The following SMARCB1 variants were observed in gnomAD, a reference collection of about 807,000 sequenced individuals.
SMARCB1 encodes the protein SWI/SNF related BAF chromatin remodeling complex subunit B1, also known as SWI/SNF-related matrix-associated actin-dependent regulator of chromatin subfamily B member 1.
Under a neutral mutation model 49.0 loss-of-function variants are expected in SMARCB1, and 5 were observed. That is an observed-to-expected ratio of 0.10 (90% CI 0.05 to 0.21). The LOEUF is 0.21. Among genes scored for constraint, SMARCB1 ranks in the 10% least tolerant of loss-of-function variants. The pLI is 1.00. For synonymous variants in SMARCB1, 201 were observed against 200.1 expected, an observed-to-expected ratio of 1.00 and a Z score of -0.04; for missense variants, 226 against 509.2, an observed-to-expected ratio of 0.44 and a Z score of 5.35.
At chr22:23,812,006 T>A (rs1394720126) in intron 5 of SMARCB1, among the ~76,000 whole-genome samples, 2 of 152,170 alleles carry the variant, frequency 1.3e-5, no homozygotes, top group Admixed American at 1.3e-4. Flanking sequence ...CCTGCAGATA[T>A]CAAAAGGAAT....
intron 6 of SMARCB1, chr22:23,823,384 G>A (rs1190586387): frequency 6.6e-6 from 1 of 152,270 alleles, no homozygotes; most frequent in African/African-American, 2.4e-5. Flanking sequence ...GATTCCAGTT[G>A]GGAAGGGCCA....
intron 5 of SMARCB1, chr22:23,816,110 CA>C (rs1435410065): frequency 6.5e-6 from 1 of 153,386 alleles, no homozygotes; most frequent in Admixed American, 6.4e-5. Flanking sequence ...CTTATTCCTG[CA>C]AGGCGTCTTG....
chr22:23,789,819 C>G (rs572076773), intron 1 of SMARCB1, among the ~76,000 whole-genome samples: 11 of 152,178 alleles, frequency 7.2e-5, no homozygotes, highest in Non-Finnish European at 1.6e-4. Context: ...AGTGGATGGA[C>G]GGTCTCAGCC....
intron 1 of SMARCB1, among the ~76,000 whole-genome samples, chr22:23,788,249 C>A (rs1471767935): frequency 3.3e-5 from 5 of 152,026 alleles, no homozygotes; most frequent in African/African-American, 7.2e-5. Context: ...GTATATGTTA[C>A]CTTTTTAAAA....
In SMARCB1 at chr22:23,835,139, T is replaced by G; in HGVS notation, c.*959T>G. On this transcript the variant is annotated 3_prime_UTR_variant, in exon 9 of 9. Transcript: ENST00000644036. ...GCCCTCCCGGCCTGGTGCCAGCTCTTGGAGTTGACACGGTACAGGGAGGAG... is the reference window on the plus strand; with the variant it reads ...GCCCTCCCGGCCTGGTGCCAGCTCTGGGAGTTGACACGGTACAGGGAGGAG... The G allele has an allele frequency of 1.5e-6, 2 of 1,368,066 alleles. No homozygotes were observed. Among genetic ancestry groups the G allele is most frequent in the Non-Finnish European group, 1.9e-6 (2 of 1,063,664 alleles). 84.7% of individuals were successfully genotyped at this position (1,368,066 alleles called of 1,614,324 possible).
intron 6 of SMARCB1, among the ~76,000 whole-genome samples, chr22:23,822,130 G>C (rs2030122890): frequency 6.6e-6 from 1 of 152,212 alleles, no homozygotes; most frequent in Non-Finnish European, 1.5e-5. Flanking sequence ...CCTTAGGTTA[G>C]AGCAGCATCT....
intron 4 of SMARCB1, chr22:23,801,335 G>A (rs746170765): frequency 1.7e-5 from 12 of 703,270 alleles, no homozygotes; most frequent in Non-Finnish European, 2.8e-5. Flanking sequence ...AGTTACTCAG[G>A]GCGCGGTCCT....
At chr22:23,825,565 C>T in intron 7 of SMARCB1, 150 bp downstream of exon 7, 1 of 651,196 alleles carries the variant, frequency 1.5e-6, no homozygotes, top group Non-Finnish European at 2.6e-6. Flanking sequence ...CCGTCCTCCT[C>T]CTGCCCTATG....
At chr22:23,795,516 A>G (rs1473361587) in intron 3 of SMARCB1, among the ~76,000 whole-genome samples, 3 of 151,858 alleles carry the variant, frequency 2.0e-5, no homozygotes, top group South Asian at 2.1e-4. Context: ...TTAGCCTCGC[A>G]TGGTGGTGCA....
intron 5 of SMARCB1, among the ~76,000 whole-genome samples, chr22:23,812,826 A>G (rs1929962316): frequency 6.6e-6 from 1 of 152,006 alleles, no homozygotes; most frequent in South Asian, 2.1e-4. Flanking sequence ...TCCTCCATTT[A>G]GTAAAGAGCA....
chr22:23,834,088 C>T (rs183243415), intron 8 of SMARCB1, 53 bp from the exon 9 acceptor site: 59 of 1,543,640 alleles, frequency 3.8e-5, no homozygotes, highest in East Asian at 2.2e-4. Context: ...GGAAGGGCAG[C>T]GCCCAGGCTG....
At chr22:23,821,488 G>C (rs538153775) in intron 6 of SMARCB1, among the ~76,000 whole-genome samples, 6 of 152,052 alleles carry the variant, frequency 3.9e-5, no homozygotes, top group African/African-American at 1.4e-4. Context: ...TGCCATCTTG[G>C]CCTCCTGAGT....
intron 7 of SMARCB1, among the ~76,000 whole-genome samples, chr22:23,830,974 G>T (rs2030626388): frequency 6.6e-6 from 1 of 152,020 alleles, no homozygotes; most frequent in Non-Finnish European, 1.5e-5. Flanking sequence ...TTTATATATT[G>T]TTTTAGTTTG....
At chr22:23,812,311 CATT>C (rs1013473295) in intron 5 of SMARCB1, among the ~76,000 whole-genome samples, 2 of 152,002 alleles carry the variant, frequency 1.3e-5, no homozygotes, top group Non-Finnish European at 2.9e-5. Flanking sequence ...TAATATAAAA[CATT>C]ATTTTAAAAA....
chr22:23,825,103 T>C (rs1029915353), intron 6 of SMARCB1, 122 bp from the exon 7 acceptor site: 7 of 779,114 alleles, frequency 9.0e-6, no homozygotes, highest in Non-Finnish European at 1.6e-5. Flanking sequence ...AAGGACCACC[T>C]GCAGTTCTCA....
At chr22:23,813,087 G>A (rs978744337) in intron 5 of SMARCB1, among the ~76,000 whole-genome samples, 4 of 152,012 alleles carry the variant, frequency 2.6e-5, no homozygotes, top group South Asian at 2.1e-4. Context: ...GGAATGTCTC[G>A]AACTCCTGAC....
chr22:23,790,593 A>G (rs1928314212), intron 1 of SMARCB1, among the ~76,000 whole-genome samples: 1 of 152,074 alleles, frequency 6.6e-6, no homozygotes, highest in African/African-American at 2.4e-5. Flanking sequence ...CCGTAATCCC[A>G]GCACTTTGGG....
intron 3 of SMARCB1, among the ~76,000 whole-genome samples, chr22:23,797,307 TTATTA>T (rs1485388071): frequency 8.2e-6 from 1 of 122,540 alleles, no homozygotes; most frequent in African/African-American, 5.4e-5. Flanking sequence ...CTGTTTTTTT[TTATTA>T]TTATTATTTT....
Position 23,787,262 on chromosome 22 carries a change from G to A in SMARCB1, c.93G>A (p.Glu31=). 1 of 1,580,902 alleles carries A rather than the reference G, an allele frequency of 6.3e-7. No individual in the cohort carries two copies. The highest frequency in any genetic ancestry group is 8.6e-7 in the Non-Finnish European group (1 of 1,157,394). Residue 31 remains glutamate (E), a splice_region_variant and synonymous_variant, in exon 1 of 9, where the codon GAG becomes GAA. Coordinates refer to ENST00000644036, the MANE Select transcript of SMARCB1 (RefSeq NM_003073.5). ...DDGEFYMIGS[E]VGNYLRMFRG... is the part of the protein sequence containing the mutation. ...GCGAGTTCTACATGATCGGCTCCGA[G>A]GTAGCCCGGGGCGCGTTCTCGCCCT... is the stretch of plus-strand genomic sequence containing the variant.
Sources: allele counts gnomAD v4.1 joint callset (sites outside exome capture counted in the v4.1 genomes callset), GRCh38; gene constraint gnomAD v4.1.1; transcripts MANE v1.5; gene names NCBI Gene and HGNC (gene_info 2026-07-23, HGNC 2026-07-21).